GALNT2: variants seen among roughly 807,000 people sequenced by gnomAD.
GALNT2 encodes UDP-GalNAc:polypeptide N-acetylgalactosaminyltransferase 2.
A neutral mutation model predicts 81.4 loss-of-function variants in GALNT2; 31 were observed. That is an observed-to-expected ratio of 0.38 (90% CI 0.29 to 0.51). GALNT2 has a LOEUF of 0.51. Among genes scored for constraint, GALNT2 ranks in the 20% least tolerant of loss-of-function variants. The pLI, the probability that GALNT2 is intolerant of heterozygous loss-of-function variation, is 0.87. For synonymous variants in GALNT2, 303 were observed against 287.4 expected, an observed-to-expected ratio of 1.05 and a Z score of -0.55; for missense variants, 629 against 765.7, an observed-to-expected ratio of 0.82 and a Z score of 2.11.
chr1:230,132,878 C>T (rs1181415541), intron 1 of GALNT2, among the ~76,000 whole-genome samples: 1 of 152,206 alleles, frequency 6.6e-6, no homozygotes, highest in East Asian at 1.9e-4. Context: ...CATTCTTCCT[C>T]TGTCATCCTC....
chr1:230,126,952 T>TA (rs1194415740), intron 1 of GALNT2, among the ~76,000 whole-genome samples: 1 of 152,214 alleles, frequency 6.6e-6, no homozygotes, highest in African/African-American at 2.4e-5. Context: ...ACCATTCCTG[T>TA]AAAATTGCAA....
chr1:230,192,648 CA>C (rs1348805252), intron 2 of GALNT2, among the ~76,000 whole-genome samples: 1 of 152,172 alleles, frequency 6.6e-6, no homozygotes, highest in Non-Finnish European at 1.5e-5. Flanking sequence ...TGCACTTTAT[CA>C]ATTTGATACT....
intron 3 of GALNT2, 117 bp downstream of exon 3, chr1:230,203,407 G>T: frequency 8.2e-7 from 1 of 1,219,446 alleles, no homozygotes; most frequent in Non-Finnish European, 1.2e-6. Flanking sequence ...AATGTGTGTT[G>T]TAAAACTAGG....
At chr1:230,262,802 G>A (rs2102762693) in intron 12 of GALNT2, 120 bp from the exon 13 acceptor site, 1 of 1,286,058 alleles carries the variant, frequency 7.8e-7, no homozygotes, top group Admixed American at 1.7e-5. Flanking sequence ...CAGGAGCATG[G>A]GCAGTCCACA....
At chr1:230,266,912 GCTA>G (rs1666051328) in intron 14 of GALNT2, among the ~76,000 whole-genome samples, 1 of 152,206 alleles carries the variant, frequency 6.6e-6, no homozygotes, top group Non-Finnish European at 1.5e-5. Context: ...TAAATGTGAT[GCTA>G]TGTTTGGGTA....
At chr1:230,171,113 C>G (rs1662777910) in intron 1 of GALNT2, among the ~76,000 whole-genome samples, 1 of 152,224 alleles carries the variant, frequency 6.6e-6, no homozygotes, top group African/African-American at 2.4e-5. Flanking sequence ...TTCCTCTACA[C>G]TACCCTGGTG....
intron 15 of GALNT2, among the ~76,000 whole-genome samples, chr1:230,276,723 A>G (rs1249968320): frequency 3.9e-5 from 6 of 152,138 alleles, no homozygotes; most frequent in Admixed American, 6.5e-5. Flanking sequence ...CACAATCCGC[A>G]TCTCTAAATG....
At chr1:230,215,385 C>T (rs1664358316) in intron 3 of GALNT2, among the ~76,000 whole-genome samples, 1 of 152,224 alleles carries the variant, frequency 6.6e-6, no homozygotes, top group Admixed American at 6.5e-5. Flanking sequence ...AGGTGCTTCT[C>T]CTTTCTGGAA....
intron 2 of GALNT2, among the ~76,000 whole-genome samples, chr1:230,183,513 C>A (rs1420269893): frequency 1.3e-5 from 2 of 152,130 alleles, no homozygotes; most frequent in East Asian, 3.8e-4. Flanking sequence ...GTGCACGTAT[C>A]TTATAACAAC....
intron 10 of GALNT2, among the ~76,000 whole-genome samples, chr1:230,254,702 A>G (rs79098618): frequency 0.011 from 1,647 of 152,320 alleles, 74 homozygotes; most frequent in Admixed American, 0.08. Context: ...AAGATGGCAT[A>G]TATGGTTGTC....
chr1:230,210,969 C>T (rs1038041570), intron 3 of GALNT2, among the ~76,000 whole-genome samples: 2 of 152,190 alleles, frequency 1.3e-5, no homozygotes. Flanking sequence ...AGTCAGCCAG[C>T]TTGGAGGGAG....
intron 14 of GALNT2, among the ~76,000 whole-genome samples, chr1:230,270,714 G>T (rs12139970): frequency 0.2 from 30,891 of 152,180 alleles, 3,969 homozygotes; most frequent in Non-Finnish European, 0.28. Flanking sequence ...ATAGGGCCTG[G>T]TGCTTTGGAA....
chr1:230,247,638 A>T (rs375525500), intron 8 of GALNT2, among the ~76,000 whole-genome samples: 1 of 152,226 alleles, frequency 6.6e-6, no homozygotes, highest in Admixed American at 6.5e-5. Flanking sequence ...GCTGAGATCT[A>T]CCAGGCTCTA....
intron 2 of GALNT2, among the ~76,000 whole-genome samples, chr1:230,189,878 A>C (rs1663461334): frequency 6.6e-6 from 1 of 152,144 alleles, no homozygotes; most frequent in South Asian, 2.1e-4. Context: ...CCCTCATATG[A>C]GTGCAGCCTT....
intron 1 of GALNT2, among the ~76,000 whole-genome samples, chr1:230,162,478 A>C (rs562613820): frequency 2.0e-5 from 3 of 152,066 alleles, no homozygotes; most frequent in Non-Finnish European, 2.9e-5. Flanking sequence ...AAAGTTTTTC[A>C]CTTTCTCCTG....
chr1:230,170,674 A>G lies in GALNT2; in HGVS notation c.127-7544A>G, dbSNP rs542097330. Among the ~76,000 whole-genome samples the G allele has an allele frequency of 2.4e-4, 37 of 152,364 alleles. No homozygotes were observed. In the South Asian group the frequency reaches 6.8e-3, roughly 28 times the overall value. Reference sequence around the variant, plus strand: ...TAGGCTGTACAAGAAACATGGCAACAGAATCTGCTTCTGGTGAGGACTTCA... The same window carrying G: ...TAGGCTGTACAAGAAACATGGCAACGGAATCTGCTTCTGGTGAGGACTTCA... On this transcript the variant is annotated intron_variant, in intron 1 of 15. Coordinates refer to ENST00000366672, the MANE Select transcript of GALNT2 (RefSeq NM_004481.5).
chr1:230,143,144 T>C (rs1360897426), intron 1 of GALNT2, among the ~76,000 whole-genome samples: 1 of 152,182 alleles, frequency 6.6e-6, no homozygotes. Context: ...AGACTGAACC[T>C]CCTAGTCCTT....
At chr1:230,094,481 CA>C (rs961475983) in intron 1 of GALNT2, among the ~76,000 whole-genome samples, 1 of 151,960 alleles carries the variant, frequency 6.6e-6, no homozygotes, top group South Asian at 2.1e-4. Flanking sequence ...ACTAAAAATA[CA>C]AAAAAATTAG....
At chr1:230,236,571 G>T in intron 5 of GALNT2, 89 bp from the exon 6 acceptor site, 2 of 1,436,392 alleles carry the variant, frequency 1.4e-6, no homozygotes, top group South Asian at 1.2e-5. Context: ...GAGATAATCG[G>T]CCCTTAGATG....
Sources: allele counts gnomAD v4.1 joint callset (sites outside exome capture counted in the v4.1 genomes callset), GRCh38; gene constraint gnomAD v4.1.1; transcripts MANE v1.5; gene names NCBI Gene and HGNC (gene_info 2026-07-23, HGNC 2026-07-21).